ZNF248: variants seen among roughly 807,000 people sequenced by gnomAD.
ZNF248 encodes the protein KRAB protein domain.
A neutral mutation model predicts 44.3 loss-of-function variants in ZNF248; 20 were observed. The ratio of observed to expected loss-of-function variants is 0.45; its 90% CI spans 0.32 to 0.66. ZNF248 has a LOEUF of 0.66. Ranked by LOEUF, ZNF248 falls within the 30% of genes least tolerant of loss-of-function variation. ZNF248 has a pLI of 0.04. For missense variants in ZNF248, 654 were observed against 677.0 expected, an observed-to-expected ratio of 0.97 and a Z score of 0.38; for synonymous variants, 224 against 229.0, an observed-to-expected ratio of 0.98 and a Z score of 0.20.
chr10:37,821,529 G>A (rs571250192), intron 6 of ZNF248, among the ~76,000 whole-genome samples: 102 of 152,228 alleles, frequency 6.7e-4, no homozygotes, highest in African/African-American at 2.3e-3. Context: ...GCCTCACTCC[G>A]CAGTACAGAC....
At chr10:37,805,706 C>T (rs1405967224) in intron 6 of ZNF248, among the ~76,000 whole-genome samples, 1 of 152,032 alleles carries the variant, frequency 6.6e-6, no homozygotes, top group African/African-American at 2.4e-5. Context: ...CATGATGGAG[C>T]CATTCTCTGG....
intron 6 of ZNF248, chr10:37,791,905 A>G (rs114672528): frequency 7.4e-4 from 112 of 152,334 alleles, no homozygotes; most frequent in African/African-American, 2.6e-3. Context: ...CAAGATCACC[A>G]TAGTGTCAGC....
chr10:37,827,737 G>A (rs1208724), downstream of ZNF248, among the ~76,000 whole-genome samples: 9,120 of 152,190 alleles, frequency 0.06, 353 homozygotes, highest in Middle Eastern at 0.095. Context: ...TCACAGCCAC[G>A]GTCTCTGGTT....
chr10:37,836,771 TACACACACACACACACACAC>T (rs72082671), intron 5 of ZNF248, among the ~76,000 whole-genome samples: 1 of 148,388 alleles, frequency 6.7e-6, no homozygotes, highest in African/African-American at 2.5e-5. Context: ...CACAGACATG[TACACACACACACACACACAC>T]ACACACACAC....
At chr10:37,852,847 T>G (rs893683926) in intron 3 of ZNF248, among the ~76,000 whole-genome samples, 1 of 151,812 alleles carries the variant, frequency 6.6e-6, no homozygotes, top group Non-Finnish European at 1.5e-5. Flanking sequence ...TAGAGAATAT[T>G]TGATGAAAAG....
chr10:37,837,319 T>C (rs1404030011), intron 5 of ZNF248, among the ~76,000 whole-genome samples: 2 of 152,128 alleles, frequency 1.3e-5, no homozygotes, highest in African/African-American at 4.8e-5. Context: ...TTCACCATGT[T>C]GGCCAGAACA....
intron 6 of ZNF248, among the ~76,000 whole-genome samples, chr10:37,822,680 G>T (rs1261979732): frequency 6.6e-6 from 1 of 151,926 alleles, no homozygotes. Context: ...GTCTTCCGTG[G>T]GCCACAATGG....
chr10:37,768,546 A>C, the ZNF248 span, among the ~76,000 whole-genome samples: 3 of 152,242 alleles, frequency 2.0e-5, no homozygotes, highest in Admixed American at 2.0e-4. Context: ...AGATGAAGGC[A>C]GAAATAAAGA....
chr10:37,851,602 C>T (rs2060233326), intron 3 of ZNF248, among the ~76,000 whole-genome samples: 3 of 151,592 alleles, frequency 2.0e-5, no homozygotes, highest in Non-Finnish European at 4.4e-5. Context: ...TAATCTATCT[C>T]TTGTTACAGG....
At chr10:37,792,669 T>A (rs1259499252) in intron 6 of ZNF248, among the ~76,000 whole-genome samples, 2 of 152,180 alleles carry the variant, frequency 1.3e-5, no homozygotes, top group Non-Finnish European at 2.9e-5. Context: ...GGGTACCTAA[T>A]CTCTGTGGTA....
Position 37,832,903 on chromosome 10 carries a change from G to A in ZNF248, c.452C>T (p.Ser151Leu), listed in dbSNP as rs143473555. Residue 151 changes from serine (S) to leucine (L), a missense_variant, in exon 6 of 6, where the codon TCG (serine) becomes TTG (leucine). Coordinates refer to ENST00000395867, the MANE Select transcript of ZNF248 (RefSeq NM_021045.3). ...DSCEMNLKNI[S>L]GLIISKKNCS... The stretch of plus-strand genomic sequence containing the variant: ...GTTCTTTTTACTAATAATTAAGCCC[G>A]AAATATTTTTCAAATTCATTTCACA... The A allele has an allele frequency of 6.8e-5, 110 of 1,613,014 alleles. No homozygotes were observed. The highest frequency in any genetic ancestry group is 1.7e-4 in the Admixed American group (10 of 59,802).
chr10:37,824,702 G>A (rs1176347001), downstream of ZNF248, among the ~76,000 whole-genome samples: 5 of 2,226 alleles, frequency 2.2e-3, no homozygotes, highest in Admixed American at 0.016. Flanking sequence ...TTTTTTTTGA[G>A]ACGGAGTCTC....
In ZNF248 at chr10:37,832,982, A is replaced by G. The variant is rs1203897031; in HGVS notation, c.373T>C (p.Leu125=). 1 of 1,613,760 alleles carries G rather than the reference A, an allele frequency of 6.2e-7. No individual in the cohort carries two copies. The highest frequency in any genetic ancestry group is 2.2e-5 in the East Asian group (1 of 44,840). Residue 125 remains leucine, a synonymous_variant, in exon 6 of 6, where the codon TTG becomes CTG. Coordinates refer to ENST00000395867, the MANE Select transcript of ZNF248 (RefSeq NM_021045.3). The part of the protein sequence containing the change: ...NGDRGSKTFN[L]GTDPVSLRNY... ...CTTAAAGAAACAGGGTCTGTGCCCAAATTGAAAGTTTTGCTTCCTCTATCT... is the reference window on the plus strand; with the variant it reads ...CTTAAAGAAACAGGGTCTGTGCCCAGATTGAAAGTTTTGCTTCCTCTATCT...
intron 3 of ZNF248, among the ~76,000 whole-genome samples, chr10:37,851,648 C>T (rs1398977022): frequency 6.6e-6 from 1 of 151,302 alleles, no homozygotes; most frequent in Admixed American, 6.6e-5. Flanking sequence ...TCTTCCAGTA[C>T]AGTTCTAAGA....
chr10:37,839,678 G>A (rs766017828), intron 3 of ZNF248, among the ~76,000 whole-genome samples: 3 of 151,948 alleles, frequency 2.0e-5, no homozygotes, highest in Non-Finnish European at 4.4e-5. Context: ...AATACATAAG[G>A]CAAAAACTGA....
At chr10:37,855,745 G>A (rs1324172088) in intron 3 of ZNF248, among the ~76,000 whole-genome samples, 1 of 152,220 alleles carries the variant, frequency 6.6e-6, no homozygotes, top group Non-Finnish European at 1.5e-5. Flanking sequence ...ACTGATTCAG[G>A]TGAGTTTAGG....
At chr10:37,760,207 G>T in the ZNF248 span, among the ~76,000 whole-genome samples, 1 of 152,294 alleles carries the variant, frequency 6.6e-6, no homozygotes, top group South Asian at 2.1e-4. Flanking sequence ...ATAACTTCAA[G>T]AAATAGAAAA....
intron 6 of ZNF248, among the ~76,000 whole-genome samples, chr10:37,807,882 T>G (rs940382392): frequency 2.0e-5 from 3 of 152,214 alleles, no homozygotes; most frequent in African/African-American, 7.2e-5. Context: ...TTATTTATTT[T>G]TTATTGCCTA....
chr10:37,766,549 C>T, the ZNF248 span, among the ~76,000 whole-genome samples: 1 of 152,198 alleles, frequency 6.6e-6, no homozygotes, highest in African/African-American at 2.4e-5. Context: ...CTCCAACAGA[C>T]CTGCACCTAA....
Sources: allele counts gnomAD v4.1 joint callset (sites outside exome capture counted in the v4.1 genomes callset), GRCh38; gene constraint gnomAD v4.1.1; transcripts MANE v1.5; gene names NCBI Gene and HGNC (gene_info 2026-07-23, HGNC 2026-07-21).